C4orf50: variants seen among roughly 807,000 people sequenced by gnomAD.
The protein encoded by C4orf50 is chromosome 4 open reading frame 50, also known as uncharacterized protein C4orf50.
In C4orf50, 80 loss-of-function variants were observed where a neutral mutation model predicts 77.2. The ratio of observed to expected loss-of-function variants is 1.04; its 90% CI spans 0.87 to 1.25. The LOEUF is 1.25. Ranked by LOEUF, C4orf50 falls within the 50% of genes most tolerant of loss-of-function variation. The pLI, the probability that C4orf50 is intolerant of heterozygous loss-of-function variation, is 0.00. For missense variants in C4orf50, 1,257 were observed against 1,152.9 expected, an observed-to-expected ratio of 1.09 and a Z score of -1.31; for synonymous variants, 532 against 465.3, an observed-to-expected ratio of 1.14 and a Z score of -1.84.
At chr4:5,957,049 C>A (rs1020354690), downstream of C4orf50, 1 of 152,284 alleles carries the variant, frequency 6.6e-6, no homozygotes, top group Admixed American at 6.5e-5. Context: ...CGGCACAAAG[C>A]TTGAGCCGAC....
At position 5,919,217 on chromosome 4, in the gene C4orf50, A is replaced by G. The variant is rs571468536; in HGVS notation, c.*2475-21029T>C. ...CTGGCTGTGCCATTTCCGGAGCTGA[A>G]TGTATTCAGGGGCCTGTTTCCAGTT... On this transcript the variant is annotated intron_variant, in intron 7 of 7. Transcript: ENST00000324058. This position sits in a 1 kb window ranked among gnomAD's most constrained non-coding sequence, Gnocchi z 6.5. Among the ~76,000 whole-genome samples the G allele has an allele frequency of 1.3e-3, 203 of 152,246 alleles. 1 individual carries two copies. The highest frequency in any genetic ancestry group is 4.6e-3 in the African/African-American group (193 of 41,550).
rs530348441 is a variant in C4orf50, at chr4:5,984,004, TGCAGAGTTCTG to T, written c.3700-3677_3700-3667del. ...ACAGGTCACACACTTCTGAGAAGAT[TGCAGAGTTCTG>T]GCAAAGCCAAAATGGAGAGCACTTG... is the stretch of plus-strand genomic sequence containing the variant. On this transcript the variant is annotated intron_variant, in intron 28 of 33. Transcript: ENST00000531445. 1.0e-3 allele frequency among the ~76,000 whole-genome samples: 155 copies of T among 152,350 alleles called. 2 individuals are homozygous for T. The highest frequency in any genetic ancestry group is 3.4e-3 in the African/African-American group (142 of 41,574).
intron 30 of C4orf50, among the ~76,000 whole-genome samples, chr4:5,974,148 CT>C (rs1460145097): frequency 6.6e-6 from 1 of 152,252 alleles, no homozygotes; most frequent in Non-Finnish European, 1.5e-5. Flanking sequence ...GCAAGCTCCC[CT>C]CTGCACCTCG....
exon 28 of C4orf50, chr4:5,989,109 G>C: frequency 1.6e-5 from 24 of 1,535,970 alleles, no homozygotes; most frequent in Non-Finnish European, 2.1e-5. Context: ...CCAGCCTGTG[G>C]TTATCCCGCT....
intron 7 of C4orf50, among the ~76,000 whole-genome samples, chr4:5,920,926 A>G (rs1228375621): frequency 6.6e-6 from 1 of 152,132 alleles, no homozygotes; most frequent in East Asian, 1.9e-4. Flanking sequence ...AGAATGGCTG[A>G]GCCCATGGGA....
intron 30 of C4orf50, among the ~76,000 whole-genome samples, chr4:5,975,414 C>T (rs1031705117): frequency 3.9e-5 from 6 of 152,110 alleles, no homozygotes; most frequent in African/African-American, 7.2e-5. Context: ...ACATGGGAAA[C>T]GTACTGGAGG....
At chr4:5,957,241 TGAAGTCACAAGACGACG>T (rs1307045013) in exon 34 of C4orf50, 1 of 152,220 alleles carries the variant, frequency 6.6e-6, no homozygotes, top group Non-Finnish European at 1.5e-5. Flanking sequence ...GAGGGGAGCA[TGAAGTCACAAGACGACG>T]GACGTCTGAG....
intron 25 of C4orf50, among the ~76,000 whole-genome samples, chr4:5,999,238 G>A (rs1721725317): frequency 6.6e-6 from 1 of 152,198 alleles, no homozygotes; most frequent in Non-Finnish European, 1.5e-5. Context: ...AGGGGTCACT[G>A]CAGGTGGGGC....
chr4:5,984,537 A>C (rs902050123), intron 28 of C4orf50, among the ~76,000 whole-genome samples: 11 of 152,356 alleles, frequency 7.2e-5, no homozygotes, highest in African/African-American at 2.4e-4. Context: ...TTAAAAGAAT[A>C]AAATTGATAT....
chr4:6,000,226 G>A lies in C4orf50; in HGVS notation c.964-5750C>T, dbSNP rs373593694. Among the ~76,000 whole-genome samples the A allele has an allele frequency of 2.6e-5, 4 of 152,064 alleles. No individual in the cohort carries two copies. Among genetic ancestry groups the A allele is most frequent in the Non-Finnish European group, 4.4e-5 (3 of 68,024 alleles). On this transcript the variant is annotated intron_variant, in intron 25 of 33. Coordinates refer to ENST00000531445, the Ensembl canonical transcript of C4orf50. This position sits in a 1 kb window ranked among gnomAD's most constrained non-coding sequence, Gnocchi z 6.0. Reference sequence around the variant, plus strand: ...GCATGCGATGCTCTCTGGACTCTGCGACTTCACAGATGTGCAGAGGCCTGG... The same window carrying A: ...GCATGCGATGCTCTCTGGACTCTGCAACTTCACAGATGTGCAGAGGCCTGG...
intron 25 of C4orf50, 97 bp from the exon 4 acceptor site, chr4:5,994,573 G>C (rs73196033): frequency 2.5e-6 from 1 of 397,940 alleles, no homozygotes; most frequent in Non-Finnish European, 4.4e-6. Context: ...AAGGGAGCTT[G>C]AGTCTCTTCC....
intron 25 of C4orf50, among the ~76,000 whole-genome samples, chr4:5,996,591 C>G (rs775069076): frequency 6.6e-6 from 1 of 152,204 alleles, no homozygotes; most frequent in Non-Finnish European, 1.5e-5. Context: ...AAAGGCCGAT[C>G]TTTAATGAGG....
intron 7 of C4orf50, among the ~76,000 whole-genome samples, chr4:5,939,243 C>CA (rs952335534): frequency 3.3e-5 from 5 of 150,414 alleles, no homozygotes; most frequent in Non-Finnish European, 5.9e-5. Context: ...AACTCTGTCT[C>CA]AAAAAAAAAG....
At chr4:5,976,479 A>G (rs2108777939) in intron 29 of C4orf50, among the ~76,000 whole-genome samples, 1 of 148,542 alleles carries the variant, frequency 6.7e-6, no homozygotes, top group Non-Finnish European at 1.5e-5. Context: ...AAAAAAAAAA[A>G]AAAGAATCAG....
Position 5,901,261 on chromosome 4 carries a change from T to C in C4orf50, c.*2475-3073A>G, listed in dbSNP as rs1290546174. On this transcript the variant is annotated intron_variant, in intron 7 of 7. Transcript: ENST00000324058. This position sits in a 1 kb window ranked among gnomAD's most constrained non-coding sequence, Gnocchi z 4.4. The stretch of plus-strand genomic sequence containing the variant: ...GTAGGTGTATAATAAATGTGCATTA[T>C]ATTAATGACATGAGTAAAGTATATG... 6.6e-6 allele frequency: 1 copy of C among 152,246 alleles called. No individual in the cohort carries two copies. Among genetic ancestry groups the C allele is most frequent in the East Asian group, 1.9e-4 (1 of 5,196 alleles). The allele number at this position is 152,246 out of a possible 1,614,324, so 9.4% of individuals were successfully genotyped here.
intron 7 of C4orf50, among the ~76,000 whole-genome samples, chr4:5,907,091 C>G (rs1338196106): frequency 6.6e-6 from 1 of 152,196 alleles, no homozygotes; most frequent in Non-Finnish European, 1.5e-5. Context: ...CACCTGGCAT[C>G]TGGGTACTGC....
intron 7 of C4orf50, among the ~76,000 whole-genome samples, chr4:5,936,562 C>CAAAAAA (rs374200584): frequency 7.6e-4 from 57 of 75,314 alleles, no homozygotes; most frequent in Admixed American, 1.8e-3. Flanking sequence ...GACGCCATCT[C>CAAAAAA]AAAAAAAAAA....
At chr4:5,989,500 C>A (rs1442047236) in exon 28 of C4orf50, 2 of 1,536,026 alleles carry the variant, frequency 1.3e-6, no homozygotes, top group Non-Finnish European at 1.7e-6. Context: ...AGCTCTCTCC[C>A]AGCCACTGTG....
chr4:5,989,827 A>G, exon 28 of C4orf50: 3 of 1,478,650 alleles, frequency 2.0e-6, no homozygotes, highest in Non-Finnish European at 2.7e-6. Context: ...CCTGCACCCC[A>G]GACCGGATGC....
Sources: gnomAD v4.1 joint callset for allele counts (sites outside exome capture counted in the v4.1 genomes callset) on GRCh38, gnomAD v4.1.1 for gene constraint, Gnocchi (gnomAD v3.1) non-coding constraint, MANE v1.5 for transcripts, NCBI Gene and HGNC (gene_info 2026-07-23, HGNC 2026-07-21) for gene names.